The following TMEM131L variants were observed in gnomAD, a reference collection of about 807,000 sequenced individuals.
The protein encoded by TMEM131L is transmembrane 131 like.
A neutral mutation model predicts 192.2 loss-of-function variants in TMEM131L; 54 were observed. That is an observed-to-expected ratio of 0.28 (90% confidence interval 0.23 to 0.35). The LOEUF is 0.35. Among genes scored for constraint, TMEM131L ranks in the 10% least tolerant of loss-of-function variants. The pLI, the probability that TMEM131L is intolerant of heterozygous loss-of-function variation, is 1.00. For synonymous variants in TMEM131L, 701 were observed against 704.9 expected, an observed-to-expected ratio of 0.99 and a Z score of 0.09; for missense variants, 1,888 against 1,972.9, an observed-to-expected ratio of 0.96 and a Z score of 0.82.
rs527977039 is a variant in TMEM131L, at chr4:153,628,226, C to T, written c.4207+539C>T. On this transcript the variant is annotated intron_variant, in intron 31 of 34. Transcript: ENST00000409959. ...CATCAGTGCTGAGACCTTCTGCCTG[C>T]GGGGAAGGCAGTTGCCTAGGTGCAT... Among the ~76,000 whole-genome samples the T allele has an allele frequency of 3.6e-4, 55 of 152,322 alleles. 1 individual carries two copies. The highest frequency in any genetic ancestry group is 1.0e-3 in the South Asian group (5 of 4,826).
At chr4:153,562,288 G>A (rs112888488) in intron 7 of TMEM131L, among the ~76,000 whole-genome samples, 317 of 151,998 alleles carry the variant, frequency 2.1e-3, no homozygotes, top group African/African-American at 7.3e-3. Flanking sequence ...CGCCCACCTC[G>A]GCCTCCTAAA....
intron 21 of TMEM131L, among the ~76,000 whole-genome samples, chr4:153,600,185 C>T (rs972380940): frequency 2.6e-5 from 4 of 152,016 alleles, no homozygotes; most frequent in Non-Finnish European, 4.4e-5. Flanking sequence ...GGCAACAAAG[C>T]AAGACCTCAT....
At chr4:153,485,776 T>A (rs1024600579) in intron 3 of TMEM131L, among the ~76,000 whole-genome samples, 2 of 152,234 alleles carry the variant, frequency 1.3e-5, no homozygotes, top group Non-Finnish European at 2.9e-5. Flanking sequence ...GTCATGTTAA[T>A]CCACTTAATC....
Position 153,493,519 on chromosome 4 carries a change from G to A in TMEM131L, c.239+19631G>A, listed in dbSNP as rs191026646. Among the ~76,000 whole-genome samples, 184 of 152,112 alleles carry A rather than the reference G, an allele frequency of 1.2e-3. 1 individual carries two copies. Among genetic ancestry groups the A allele is most frequent in the African/African-American group, 3.5e-3 (146 of 41,482 alleles). ...ACTAAAAATACAAAAAATTAGCCGG[G>A]CATGGCGGTGCGCACTGGTAATCCC... is the stretch of plus-strand genomic sequence containing the variant. On this transcript the variant is annotated intron_variant, in intron 3 of 34. Transcript: ENST00000409959.
In TMEM131L at chr4:153,629,971, A is replaced by G. The variant is rs549687626; in HGVS notation, c.4207+2284A>G. Among the ~76,000 whole-genome samples, 3 of 152,262 alleles carry G rather than the reference A, an allele frequency of 2.0e-5. No individual in the cohort carries two copies. The South Asian group carries it at 6.2e-4, about 32-fold the overall frequency. ...TGTATATGCAGGAGACATTCACTCT[A>G]TTGTGTTGTACTTGAAGCAAACTTG... is the stretch of plus-strand genomic sequence containing the variant. On this transcript the variant is annotated intron_variant, in intron 31 of 34. Transcript: ENST00000409959.
At chr4:153,480,193 G>A (rs1731825909) in intron 3 of TMEM131L, among the ~76,000 whole-genome samples, 1 of 152,166 alleles carries the variant, frequency 6.6e-6, no homozygotes, top group African/African-American at 2.4e-5. Context: ...TAAAAAATTA[G>A]CTGGGCGTGG....
intron 7 of TMEM131L, among the ~76,000 whole-genome samples, chr4:153,567,749 G>A (rs1226451596): frequency 1.3e-5 from 2 of 152,076 alleles, no homozygotes; most frequent in African/African-American, 2.4e-5. Flanking sequence ...CACCACGTTG[G>A]CCTGGCTGGT....
intron 2 of TMEM131L, among the ~76,000 whole-genome samples, chr4:153,468,871 C>T (rs989150987): frequency 6.6e-6 from 1 of 152,010 alleles, no homozygotes; most frequent in Non-Finnish European, 1.5e-5. Context: ...TGCATTTTTG[C>T]TCAATTATAG....
chr4:153,580,954 C>G (rs1477861662), intron 8 of TMEM131L, 51 bp downstream of exon 8: 1 of 1,326,040 alleles, frequency 7.5e-7, no homozygotes, highest in African/African-American at 1.5e-5. Flanking sequence ...TGCCTCTTTG[C>G]TTAAAAATAA....
intron 3 of TMEM131L, among the ~76,000 whole-genome samples, chr4:153,495,837 AG>A (rs1488384061): frequency 3.3e-5 from 5 of 152,228 alleles, no homozygotes; most frequent in Admixed American, 3.3e-4. Context: ...AACGGGAGGC[AG>A]GTTTGCCTGG....
In TMEM131L at chr4:153,551,368, T is replaced by A. The variant is rs1053727520; in HGVS notation, c.308+1227T>A. 3.3e-5 allele frequency among the ~76,000 whole-genome samples: 5 copies of A among 152,038 alleles called. No homozygotes were observed. The South Asian group carries it at 1.0e-3, about 32-fold the overall frequency. ...GGAGAATGAACTTGGAATTTTTTTT[T>A]TTTTTTTGAGACGGAGTCTTGCACT... On this transcript the variant is annotated intron_variant, in intron 4 of 34. Transcript: ENST00000409959.
chr4:153,554,266 G>A (rs1737839487), intron 4 of TMEM131L: 1 of 152,086 alleles, frequency 6.6e-6, no homozygotes, highest in Non-Finnish European at 1.5e-5. Context: ...TTATGTGTAT[G>A]GTAGTGTTGA....
At chr4:153,606,518 A>T (rs758387644) in intron 25 of TMEM131L, among the ~76,000 whole-genome samples, 3 of 152,214 alleles carry the variant, frequency 2.0e-5, no homozygotes, top group Non-Finnish European at 2.9e-5. Context: ...CTTCTTCAGG[A>T]TCCTCCTGTC....
At chr4:153,624,457 AG>A (rs1578892899) in intron 29 of TMEM131L, among the ~76,000 whole-genome samples, 1 of 152,240 alleles carries the variant, frequency 6.6e-6, no homozygotes, top group East Asian at 1.9e-4. Context: ...ATCTATATGA[AG>A]ATGTAGTTCC....
intron 10 of TMEM131L, 69 bp from the exon 11 acceptor site, chr4:153,583,495 G>A (rs376018240): frequency 2.8e-6 from 3 of 1,059,876 alleles, no homozygotes; most frequent in Non-Finnish European, 4.4e-6. Flanking sequence ...TTATTCTAAC[G>A]GTTCATTCAA....
chr4:153,620,654 C>A (rs2126725174), intron 26 of TMEM131L, 102 bp from the exon 27 acceptor site: 2 of 685,540 alleles, frequency 2.9e-6, no homozygotes, highest in Non-Finnish European at 4.6e-6. Flanking sequence ...TTCAACAGCA[C>A]TGGGACATTC....
intron 3 of TMEM131L, among the ~76,000 whole-genome samples, chr4:153,536,663 G>C (rs1736351570): frequency 6.6e-6 from 1 of 152,162 alleles, no homozygotes; most frequent in Admixed American, 6.5e-5. Context: ...GGACAGAACT[G>C]ACAGAATCGA....
intron 7 of TMEM131L, chr4:153,558,711 A>G (rs1302219090): frequency 6.4e-5 from 10 of 157,398 alleles, no homozygotes; most frequent in Admixed American, 6.3e-4. Flanking sequence ...GAGATTCTTT[A>G]GTTAAAGACT....
chr4:153,614,303 G>A (rs1732825682), intron 26 of TMEM131L, among the ~76,000 whole-genome samples: 1 of 152,244 alleles, frequency 6.6e-6, no homozygotes, highest in Admixed American at 6.5e-5. Context: ...GTCTTGATGG[G>A]AAGCACAAAT....
Sources: allele counts gnomAD v4.1 joint callset (sites outside exome capture counted in the v4.1 genomes callset), GRCh38; gene constraint gnomAD v4.1.1; transcripts MANE v1.5; gene names NCBI Gene and HGNC (gene_info 2026-07-23, HGNC 2026-07-21).